The following SCG5 variants were observed in gnomAD, a reference collection of about 807,000 sequenced individuals.
The protein encoded by SCG5 is secretogranin V, also known as neuroendocrine protein 7B2.
A neutral mutation model predicts 25.7 loss-of-function variants in SCG5; 18 were observed. That is an observed-to-expected ratio of 0.70 (90% CI 0.48 to 1.04). The LOEUF (loss-of-function observed/expected upper bound fraction) is 1.04. Among genes scored for constraint, SCG5 ranks in the 50% least tolerant of loss-of-function variants. SCG5 has a pLI of 0.00. For missense variants in SCG5, 206 were observed against 259.8 expected (o/e 0.79, Z 1.42); for synonymous variants, 101 against 91.7 (o/e 1.10, Z -0.58).
chr15:32,647,819 CCTTTTTTT>C (rs1372270508), intron 2 of SCG5, among the ~76,000 whole-genome samples: 1 of 152,098 alleles, frequency 6.6e-6, no homozygotes, highest in African/African-American at 2.4e-5. Context: ...TTCCTTTTTT[CCTTTTTTT>C]CTTTACCCAT....
intron 5 of SCG5, chr15:32,692,029 T>C: frequency 7.4e-7 from 1 of 1,349,954 alleles, no homozygotes; most frequent in African/African-American, 1.5e-5. Flanking sequence ...AGGAAATGTG[T>C]ATTGCTTCCC....
chr15:32,673,516 G>T (rs1318379000), intron 2 of SCG5, among the ~76,000 whole-genome samples: 8 of 131,040 alleles, frequency 6.1e-5, no homozygotes, highest in African/African-American at 8.5e-5. Flanking sequence ...TCCACATTTG[G>T]ATAAGATCCC....
chr15:32,674,015 G>A (rs1422308901), intron 2 of SCG5, among the ~76,000 whole-genome samples: 5 of 152,042 alleles, frequency 3.3e-5, no homozygotes, highest in Admixed American at 2.0e-4. Context: ...CACCGCACCC[G>A]GCCCATTTAA....
intron 2 of SCG5, among the ~76,000 whole-genome samples, chr15:32,653,743 C>T (rs548438274): frequency 1.5e-4 from 23 of 152,212 alleles, no homozygotes; most frequent in Non-Finnish European, 2.5e-4. Flanking sequence ...GAAGTCCACC[C>T]GTATTATAGA....
chr15:32,653,042 C>A (rs1465601507), intron 2 of SCG5, among the ~76,000 whole-genome samples: 3 of 152,084 alleles, frequency 2.0e-5, no homozygotes, highest in Non-Finnish European at 4.4e-5. Context: ...TATGTGAACA[C>A]TTCATGTGTC....
At chr15:32,648,022 TC>T (rs1312379898) in intron 2 of SCG5, among the ~76,000 whole-genome samples, 4 of 152,180 alleles carry the variant, frequency 2.6e-5, no homozygotes, top group Non-Finnish European at 5.9e-5. Context: ...CACATTTCTT[TC>T]TTGCATATCC....
intron 4 of SCG5, among the ~76,000 whole-genome samples, chr15:32,688,865 A>C (rs908074878): frequency 2.7e-5 from 4 of 149,812 alleles, no homozygotes; most frequent in African/African-American, 9.9e-5. Flanking sequence ...AGGCTGAGGC[A>C]GGAGAATGGC....
chr15:32,665,269 A>T (rs1300066815), intron 2 of SCG5, among the ~76,000 whole-genome samples: 1 of 151,850 alleles, frequency 6.6e-6, no homozygotes, highest in Admixed American at 6.6e-5. Flanking sequence ...TTGTCAAGAA[A>T]TTTTTTTCTA....
chr15:32,673,781 T>C (rs2054484830), intron 2 of SCG5, among the ~76,000 whole-genome samples: 1 of 152,162 alleles, frequency 6.6e-6, no homozygotes, highest in Non-Finnish European at 1.5e-5. Context: ...CCGCCCAGGC[T>C]GGAGTGCAGT....
chr15:32,684,810 C>T lies in SCG5; in HGVS notation c.489+141C>T, dbSNP rs1567087026. ...TTTCAGAAATCTCTGGTTGACAGAG[C>T]TTCAAGTCATGACTACTCAAAACCA... On this transcript the variant is annotated intron_variant, in intron 4 of 5. Coordinates refer to ENST00000300175, the MANE Select transcript of SCG5 (RefSeq NM_001144757.3). 4 of 633,502 alleles carry T rather than the reference C, an allele frequency of 6.3e-6. No homozygotes were observed. The South Asian group carries it at 7.8e-5, about 12-fold the overall frequency. 39.2% of individuals were successfully genotyped at this position (633,502 alleles called of 1,614,324 possible).
chr15:32,648,771 C>CTTCT (rs2053987951), intron 2 of SCG5, among the ~76,000 whole-genome samples: 1 of 111,528 alleles, frequency 9.0e-6, no homozygotes, highest in East Asian at 2.5e-4. Flanking sequence ...TTGCAGTCTC[C>CTTCT]TTTTTTTTTT....
intron 2 of SCG5, among the ~76,000 whole-genome samples, chr15:32,678,131 G>A (rs537721248): frequency 1.3e-5 from 2 of 152,204 alleles, no homozygotes; most frequent in Non-Finnish European, 2.9e-5. Flanking sequence ...AATGTCAGTA[G>A]TACTTCTGAA....
At chr15:32,671,638 CTGAT>C (rs1231000946) in intron 2 of SCG5, among the ~76,000 whole-genome samples, 7 of 151,750 alleles carry the variant, frequency 4.6e-5, no homozygotes, top group East Asian at 1.9e-4. Context: ...AATGAGTCCT[CTGAT>C]TGTGGACAAG....
At chr15:32,646,894 A>AT in intron 2 of SCG5, among the ~76,000 whole-genome samples, 1 of 152,242 alleles carries the variant, frequency 6.6e-6, no homozygotes, top group East Asian at 1.9e-4. Context: ...TGATTTTAGG[A>AT]TTTTATTGTG....
rs142977713 is a variant in SCG5 at position 32,643,961 on chromosome 15, A to G, written c.226+143A>G. On this transcript the variant is annotated intron_variant, in intron 2 of 5. Coordinates refer to ENST00000300175, the MANE Select transcript of SCG5 (RefSeq NM_001144757.3). ...AGGAAGCTAATTTTTAAGAGACTCT[A>G]CTTTCTCATGGTTTTCCCTTTCTTC... 7 of 680,992 alleles carry G rather than the reference A, an allele frequency of 1.0e-5. No homozygotes were observed. In the African/African-American group the frequency reaches 1.1e-4, roughly 11 times the overall value. The allele number at this position is 680,992 out of a possible 1,614,324, so 42.2% of individuals were successfully genotyped here. A position where few individuals can be genotyped will look rare whatever the true frequency, so the allele number is the denominator to read the frequency against.
chr15:32,692,164 G>A (rs975416855), intron 5 of SCG5: 2 of 1,035,844 alleles, frequency 1.9e-6, no homozygotes. Context: ...GACAGAAACA[G>A]GGAAGTGCTG....
chr15:32,696,435 C>A, intron 5 of SCG5, 79 bp from the exon 6 acceptor site: 3 of 1,055,998 alleles, frequency 2.8e-6, no homozygotes, highest in South Asian at 1.4e-5. Flanking sequence ...GATTCTTGTT[C>A]ATTTCTTTTC....
intron 2 of SCG5, among the ~76,000 whole-genome samples, chr15:32,656,828 C>T (rs1268404756): frequency 6.6e-6 from 1 of 152,088 alleles, no homozygotes; most frequent in African/African-American, 2.4e-5. Context: ...CACAATTTCG[C>T]ACCGCAAATA....
intron 3 of SCG5, among the ~76,000 whole-genome samples, chr15:32,682,380 A>C (rs1038661055): frequency 3.3e-5 from 5 of 152,218 alleles, no homozygotes; most frequent in African/African-American, 9.7e-5. Flanking sequence ...TGCCACTTTC[A>C]CTTTCTTGAG....
Sources: allele counts gnomAD v4.1 joint callset (sites outside exome capture counted in the v4.1 genomes callset), GRCh38; gene constraint gnomAD v4.1.1; transcripts MANE v1.5; gene names NCBI Gene and HGNC (gene_info 2026-07-23, HGNC 2026-07-21).